The following DMD variants were observed in gnomAD, a reference collection of about 807,000 sequenced individuals.
The protein encoded by DMD is mutant dystrophin.
DMD carries 63 observed loss-of-function variants against 330.1 expected under a neutral mutation model. The observed-to-expected ratio is 0.19, with a 90% CI of 0.16 to 0.24. The LOEUF is 0.24. DMD is among the 10% of genes least tolerant of loss of function. The pLI is 1.00. For missense variants in DMD, 3,344 were observed against 2,684.1 expected, an observed-to-expected ratio of 1.25 and a Z score of -5.43; for synonymous variants, 1,223 against 959.8, an observed-to-expected ratio of 1.27 and a Z score of -5.07.
chrX:32,161,813 T>C (rs1472667227), intron 44 of DMD, among the ~76,000 whole-genome samples: 2 of 111,921 alleles, frequency 1.8e-5, no homozygotes, highest in South Asian at 3.7e-4. Flanking sequence ...AGATGACTGA[T>C]ATCCAAGAAG....
intron 60 of DMD, among the ~76,000 whole-genome samples, chrX:31,377,657 C>T (rs147462559): frequency 0.081 from 9,018 of 111,524 alleles, 934 homozygotes; most frequent in African/African-American, 0.28. Flanking sequence ...CTCAATCTCT[C>T]TATACCTTAG....
intron 70 of DMD, chrX:31,178,411 T>C: frequency 1.0e-6 from 1 of 957,468 alleles, no homozygotes; most frequent in Non-Finnish European, 1.3e-6. Context: ...GTAAGGCAAT[T>C]AGTGGCTGTA....
At chrX:32,787,821 T>C (rs1032212995) in intron 7 of DMD, among the ~76,000 whole-genome samples, 1 of 109,466 alleles carries the variant, frequency 9.1e-6, no homozygotes, top group Admixed American at 9.9e-5. Context: ...AGAGTCAGCA[T>C]TTATTCTAGA....
intron 47 of DMD, among the ~76,000 whole-genome samples, chrX:31,881,431 T>C (rs1318316746): frequency 9.2e-6 from 1 of 108,559 alleles, no homozygotes; most frequent in Non-Finnish European, 1.9e-5. Flanking sequence ...TGTGTCCTCA[T>C]AAATTTAGTG....
intron 2 of DMD, among the ~76,000 whole-genome samples, chrX:32,859,459 TCTCACACACACA>T (rs1389711359): frequency 1.4e-5 from 1 of 69,581 alleles, no homozygotes; most frequent in African/African-American, 5.6e-5. Flanking sequence ...CGAAGCAAGA[TCTCACACACACA>T]CACACACACA....
rs962928111 is a variant in DMD at position 32,788,480 on chromosome X, T to C, written c.649+21013A>G. ...GCCATCCAATGATACAAAGATTCTATGACAGTGTATCTCCTGCCTTGTATC... is the reference window on the plus strand; with the variant it reads ...GCCATCCAATGATACAAAGATTCTACGACAGTGTATCTCCTGCCTTGTATC... On this transcript the variant is annotated intron_variant, in intron 7 of 78. Coordinates refer to ENST00000357033, the MANE Select transcript of DMD (RefSeq NM_004006.3). Among the ~76,000 whole-genome samples, 3 of 112,234 alleles carry C rather than the reference T, an allele frequency of 2.7e-5. No homozygotes were observed. In the Admixed American group the frequency reaches 2.8e-4, roughly 11 times the overall value.
At chrX:32,637,522 C>T (rs770515896) in intron 11 of DMD, among the ~76,000 whole-genome samples, 1 of 111,829 alleles carries the variant, frequency 8.9e-6, no homozygotes, top group South Asian at 3.8e-4. Flanking sequence ...TATAGCAGCA[C>T]CCCACTCTCT....
At chrX:32,886,061 A>T (rs1603457845) in intron 2 of DMD, among the ~76,000 whole-genome samples, 1 of 111,596 alleles carries the variant, frequency 9.0e-6, no homozygotes, top group East Asian at 2.8e-4. Flanking sequence ...ATATGTAGAT[A>T]AAAGTGTATC....
chrX:31,355,753 G>A (rs907933026), intron 60 of DMD, among the ~76,000 whole-genome samples: 1 of 110,137 alleles, frequency 9.1e-6, no homozygotes, highest in Admixed American at 9.8e-5. Context: ...TCCGGGAAAC[G>A]CTCCTGAGAC....
chrX:33,180,433 G>A (rs183069297), intron 1 of DMD, among the ~76,000 whole-genome samples: 44 of 111,340 alleles, frequency 4.0e-4, no homozygotes, highest in South Asian at 1.1e-3. Context: ...TCACACACAC[G>A]CGCACACACA....
intron 50 of DMD, among the ~76,000 whole-genome samples, chrX:31,816,716 T>G (rs2092634618): frequency 9.3e-6 from 1 of 107,354 alleles, no homozygotes; most frequent in African/African-American, 3.4e-5. Context: ...GAGAATCGCT[T>G]GAACCTGAAA....
intron 1 of DMD, among the ~76,000 whole-genome samples, chrX:33,196,415 G>C (rs915924991): frequency 3.6e-5 from 4 of 111,001 alleles, no homozygotes; most frequent in Admixed American, 9.7e-5. Context: ...CGTTAAGCTG[G>C]AGGCACACAA....
intron 60 of DMD, among the ~76,000 whole-genome samples, chrX:31,406,816 G>C (rs757395253): frequency 6.1e-4 from 68 of 111,457 alleles, no homozygotes; most frequent in African/African-American, 2.1e-3. Context: ...GGTCAGTTTA[G>C]TTGGCATGTA....
chrX:32,822,195 C>T (rs770767488), intron 5 of DMD, among the ~76,000 whole-genome samples: 28 of 111,713 alleles, frequency 2.5e-4, no homozygotes, highest in Non-Finnish European at 4.9e-4. Flanking sequence ...TGGTATACTA[C>T]ACTGAGTGCC....
chrX:31,929,096 A>G (rs1235762076), intron 47 of DMD, among the ~76,000 whole-genome samples: 1 of 112,243 alleles, frequency 8.9e-6, no homozygotes, highest in Non-Finnish European at 1.9e-5. Flanking sequence ...TTAGATTTAT[A>G]TAGTATGCAA....
chrX:33,151,800 T>C (rs1485359471), intron 1 of DMD, among the ~76,000 whole-genome samples: 1 of 112,461 alleles, frequency 8.9e-6, no homozygotes, highest in African/African-American at 3.2e-5. Context: ...AGAACTCCTT[T>C]ATAGTGTGTG....
intron 62 of DMD, among the ~76,000 whole-genome samples, chrX:31,284,584 C>CTTCTTCTTCTTCTT (rs923716323): frequency 8.3e-5 from 8 of 96,622 alleles, no homozygotes; most frequent in Non-Finnish European, 1.2e-4. Context: ...TCTTCTTCTT[C>CTTCTTCTTCTTCTT]TTCTTCTTCT....
At chrX:31,761,539 C>A (rs1287500665) in intron 51 of DMD, among the ~76,000 whole-genome samples, 1 of 111,999 alleles carries the variant, frequency 8.9e-6, no homozygotes, top group Admixed American at 9.5e-5. Flanking sequence ...GTTTTTATTG[C>A]TCAGTGTATA....
At chrX:33,301,727 A>C (rs2053665399) in intron 1 of DMD, among the ~76,000 whole-genome samples, 1 of 111,392 alleles carries the variant, frequency 9.0e-6, no homozygotes, top group African/African-American at 3.3e-5. Flanking sequence ...AAGTGATGGA[A>C]AAATATAAGA....
Sources: gnomAD v4.1 joint callset for allele counts (sites outside exome capture counted in the v4.1 genomes callset) on GRCh38, gnomAD v4.1.1 for gene constraint, MANE v1.5 for transcripts, NCBI Gene and HGNC (gene_info 2026-07-23, HGNC 2026-07-21) for gene names.